Variants in ZC3H11A observed in about 807,000 individuals in gnomAD.
ZC3H11A encodes the protein zinc finger CCCH domain-containing protein 11A.
A neutral mutation model predicts 90.8 loss-of-function variants in ZC3H11A; 22 were observed. That is an observed-to-expected ratio of 0.24 (90% CI 0.17 to 0.35). The LOEUF (loss-of-function observed/expected upper bound fraction) is 0.35. ZC3H11A is among the 10% of genes least tolerant of loss of function. The pLI is 1.00. For missense variants in ZC3H11A, 701 were observed against 964.9 expected, an observed-to-expected ratio of 0.73 and a Z score of 3.62; for synonymous variants, 294 against 339.8, an observed-to-expected ratio of 0.87 and a Z score of 1.48.
chr1:203,799,659 C>T (rs964693326), intron 1 of ZC3H11A: 28 of 704,492 alleles, frequency 4.0e-5, no homozygotes, highest in Admixed American at 1.0e-4. Flanking sequence ...GAATCAGGTG[C>T]TACCCCTAAT....
chr1:203,832,608 G>A lies in ZC3H11A; in HGVS notation c.811+837G>A, dbSNP rs185104573. Among the ~76,000 whole-genome samples, 1,168 of 152,254 alleles carry A rather than the reference G, an allele frequency of 7.7e-3. 11 individuals are homozygous for A. The highest frequency in any genetic ancestry group is 0.027 in the African/African-American group (1,124 of 41,542). On this transcript the variant is annotated intron_variant, in intron 9 of 17. Coordinates refer to ENST00000367210, the MANE Select transcript of ZC3H11A (RefSeq NM_001376342.1). ...ACTGCTGGCCTCAAATCATCTGCCT[G>A]CCTCAGCCTCCCAAATTGCTGGGAT...
At chr1:203,799,895 T>C (rs927403442) in intron 1 of ZC3H11A, 25 of 1,535,972 alleles carry the variant, frequency 1.6e-5, no homozygotes, top group Admixed American at 1.2e-4. Context: ...TAGAAACTTA[T>C]AAGCAGTTCC....
At chr1:203,826,692 G>A (rs1185178400) in intron 4 of ZC3H11A, among the ~76,000 whole-genome samples, 1 of 152,094 alleles carries the variant, frequency 6.6e-6, no homozygotes, top group Non-Finnish European at 1.5e-5. Flanking sequence ...AAATTTCAAT[G>A]CTGGTGTTTT....
At chr1:203,817,792 A>G (rs1033745356) in intron 3 of ZC3H11A, among the ~76,000 whole-genome samples, 1 of 151,798 alleles carries the variant, frequency 6.6e-6, no homozygotes, top group African/African-American at 2.4e-5. Flanking sequence ...TAGTTCTGTC[A>G]CCCAGGCTGG....
intron 2 of ZC3H11A, among the ~76,000 whole-genome samples, chr1:203,805,016 TC>T (rs1307631697): frequency 1.3e-5 from 2 of 152,106 alleles, no homozygotes. Context: ...TGCCTTTTTT[TC>T]CTTTTGAAAA....
intron 1 of ZC3H11A, chr1:203,797,752 A>G: frequency 6.5e-7 from 1 of 1,535,698 alleles, no homozygotes; most frequent in Non-Finnish European, 8.7e-7. Flanking sequence ...AGGCGTCGAA[A>G]AAAATTGATT....
chr1:203,852,560 G>T lies in ZC3H11A; in HGVS notation c.*161G>T, dbSNP rs1474332387. On this transcript the variant is annotated 3_prime_UTR_variant, in exon 18 of 18. Coordinates refer to ENST00000367210, the MANE Select transcript of ZC3H11A (RefSeq NM_001376342.1). Reference sequence around the variant, plus strand: ...TCTGTATGTGTCCTGGATTCCTTGGGGTCAGATTTTTAAAGTTACTTTATA... The same window carrying T: ...TCTGTATGTGTCCTGGATTCCTTGGTGTCAGATTTTTAAAGTTACTTTATA... 9 of 763,916 alleles carry T rather than the reference G, an allele frequency of 1.2e-5. No homozygotes were observed. The highest frequency in any genetic ancestry group is 1.6e-5 in the Non-Finnish European group (8 of 488,902). The allele number at this position is 763,916 out of a possible 1,614,324, so 47.3% of individuals were successfully genotyped here.
At chr1:203,828,156 ATC>A (rs1009607330) in intron 4 of ZC3H11A, 141 bp from the exon 5 acceptor site, 2 of 905,874 alleles carry the variant, frequency 2.2e-6, no homozygotes, top group Non-Finnish European at 3.4e-6. Context: ...ATTTTCAGCA[ATC>A]TCTCTTCCTT....
Position 203,847,678 on chromosome 1 carries a change from A to T in ZC3H11A, c.1537A>T (p.Lys513Ter). Residue 513 changes from lysine to a stop codon, truncating the protein, a stop_gained, in exon 13 of 18, where the codon AAA becomes TAA. Coordinates refer to ENST00000367210, the MANE Select transcript of ZC3H11A (RefSeq NM_001376342.1). LOFTEE classifies it high-confidence loss of function. ...PGARRLLRIT[K>*]RTGMKEEKNL... ...GGCAAGGCGGCTGCTGCGAATCACCAAAAGAACAGGTAACAAGAGAACTTG... is the reference window on the plus strand; with the variant it reads ...GGCAAGGCGGCTGCTGCGAATCACCTAAAGAACAGGTAACAAGAGAACTTG... 1 of 1,612,142 alleles carries T rather than the reference A, an allele frequency of 6.2e-7. No homozygotes were observed.
intron 3 of ZC3H11A, 109 bp from the exon 4 acceptor site, chr1:203,818,461 C>T: frequency 7.0e-7 from 1 of 1,432,528 alleles, no homozygotes; most frequent in Non-Finnish European, 9.6e-7. Flanking sequence ...CCTTACCAGT[C>T]CTTTCTTACT....
intron 4 of ZC3H11A, among the ~76,000 whole-genome samples, chr1:203,823,544 C>T (rs1244823983): frequency 6.6e-6 from 1 of 152,216 alleles, no homozygotes; most frequent in Non-Finnish European, 1.5e-5. Flanking sequence ...TGAGCCTTCT[C>T]CCTTCCCCAC....
intron 1 of ZC3H11A, chr1:203,799,000 C>G: frequency 6.5e-7 from 1 of 1,536,174 alleles, no homozygotes; most frequent in Non-Finnish European, 8.7e-7. Context: ...GACCCATCCA[C>G]TGACTATTTT....
At chr1:203,833,712 C>A in intron 9 of ZC3H11A, 79 bp from the exon 10 acceptor site, 1 of 1,083,708 alleles carries the variant, frequency 9.2e-7, no homozygotes, top group Non-Finnish European at 1.2e-6. Flanking sequence ...AATATCAGAA[C>A]ATACTTTGTA....
intron 2 of ZC3H11A, among the ~76,000 whole-genome samples, chr1:203,804,593 T>A (rs1001199874): frequency 6.6e-6 from 1 of 152,088 alleles, no homozygotes; most frequent in African/African-American, 2.4e-5. Context: ...TTTATTATTT[T>A]CAATTTGTTT....
intron 2 of ZC3H11A, among the ~76,000 whole-genome samples, chr1:203,805,444 A>C (rs764875372): frequency 6.6e-6 from 1 of 152,148 alleles, no homozygotes; most frequent in African/African-American, 2.4e-5. Context: ...ATCAAGTTTT[A>C]GTACAAAGAA....
chr1:203,800,721 T>C (rs1034691555), intron 1 of ZC3H11A: 3 of 288,768 alleles, frequency 1.0e-5, no homozygotes, highest in Non-Finnish European at 1.9e-5. Context: ...AAAAAAAATA[T>C]AGTGCAGCAT....
Position 203,817,142 on chromosome 1 carries a change from T to C in ZC3H11A, c.54+18T>C, listed in dbSNP as rs754192746. The C allele has an allele frequency of 4.4e-6, 7 of 1,587,100 alleles. No homozygotes were observed. In the East Asian group the frequency reaches 1.6e-4, roughly 36 times the overall value. ...GTACCAAAGTAAGAATTGACATCTT[T>C]AAATCAGTTCTTTCTACAATTTGCT... On this transcript the variant is annotated intron_variant, in intron 3 of 17. Coordinates refer to ENST00000367210, the MANE Select transcript of ZC3H11A (RefSeq NM_001376342.1).
At chr1:203,815,216 C>CTTTTTTTTTTTTTTTTTTTTTTTTTTTTT (rs59254922) in intron 2 of ZC3H11A, among the ~76,000 whole-genome samples, 1 of 97,154 alleles carries the variant, frequency 1.0e-5, no homozygotes, top group South Asian at 3.5e-4. Context: ...CTTTTCTTTT[C>CTTTTTTTTTTTTTTTTTTTTTTTTTTTTT]TTTTTTTTTT....
At chr1:203,831,608 G>A (rs1042145333) in intron 8 of ZC3H11A, 53 bp from the exon 9 acceptor site, 2 of 1,511,718 alleles carry the variant, frequency 1.3e-6, no homozygotes, top group South Asian at 1.2e-5. Context: ...TTTGACTTGG[G>A]ATAGCATTAT....
Sources: allele counts gnomAD v4.1 joint callset (sites outside exome capture counted in the v4.1 genomes callset), GRCh38; gene constraint gnomAD v4.1.1; transcripts MANE v1.5; gene names NCBI Gene and HGNC (gene_info 2026-07-23, HGNC 2026-07-21).